GPX7: variants seen among roughly 807,000 people sequenced by gnomAD.
GPX7 encodes the protein glutathione peroxidase 7.
GPX7 carries 21 observed loss-of-function variants against 23.7 expected under a neutral mutation model. The ratio of observed to expected loss-of-function variants is 0.89; its 90% CI spans 0.63 to 1.28. The LOEUF (loss-of-function observed/expected upper bound fraction) is 1.28, where lower values mean the gene tolerates loss of function less well. Among genes scored for constraint, GPX7 ranks in the 50% most tolerant of loss-of-function variants. GPX7 has a pLI of 0.00. For missense variants in GPX7, 238 were observed against 237.3 expected (o/e 1.00, Z -0.02); for synonymous variants, 112 against 101.8 (o/e 1.10, Z -0.61).
At position 52,602,498 on chromosome 1, in the gene GPX7, C is replaced by A; in HGVS notation, c.89C>A (p.Ala30Glu). 1 of 1,563,938 alleles carries A rather than the reference C, an allele frequency of 6.4e-7. No homozygotes were observed. The highest frequency in any genetic ancestry group is 2.6e-5 in the East Asian group (1 of 38,112). ...GAGCAGGACTTCTACGACTTCAAGG[C>A]GGTCAACATCCGGGGCAAACTGGTG... ...QQEQDFYDFKAVNIRGKLVSL... is the reference protein window; with the variant it reads ...QQEQDFYDFKEVNIRGKLVSL... Residue 30 changes from alanine to glutamate, a missense_variant, in exon 1 of 3, where the codon GCG becomes GAG. Coordinates refer to ENST00000361314, the MANE Select transcript of GPX7 (RefSeq NM_015696.5).
chr1:52,603,896 T>A (rs924581978), intron 1 of GPX7, among the ~76,000 whole-genome samples: 1 of 152,118 alleles, frequency 6.6e-6, no homozygotes, highest in African/African-American at 2.4e-5. Context: ...CAGGGCCCGC[T>A]CCAATTCAGG....
chr1:52,606,655 CTTTGT>C, intron 1 of GPX7, 24 bp from the exon 2 acceptor site: 1 of 1,599,746 alleles, frequency 6.3e-7, no homozygotes, highest in Non-Finnish European at 8.5e-7. Context: ...CTTGTCTGGG[CTTTGT>C]TTTGTTTTGT....
rs1463588089 is a variant in GPX7 at position 52,602,558 on chromosome 1, G to C, written c.138+11G>C. On this transcript the variant is annotated intron_variant, in intron 1 of 2. Transcript: ENST00000361314. ...AAGTACCGCGGATCGGTGAGTGCGCGGGGTCTGGCGGCGCCGCTGGGCCCG... is the reference window on the plus strand; with the variant it reads ...AAGTACCGCGGATCGGTGAGTGCGCCGGGTCTGGCGGCGCCGCTGGGCCCG... The C allele has an allele frequency of 3.9e-6, 6 of 1,537,004 alleles. No homozygotes were observed. The highest frequency in any genetic ancestry group is 5.2e-6 in the Non-Finnish European group (6 of 1,144,770).
chr1:52,602,613 G>A (rs1690811917), intron 1 of GPX7, 66 bp downstream of exon 1: 19 of 1,025,180 alleles, frequency 1.9e-5, no homozygotes, highest in Non-Finnish European at 2.5e-5. Flanking sequence ...TGCTGGGGAC[G>A]CCCCGCAGCC....
intron 2 of GPX7, among the ~76,000 whole-genome samples, chr1:52,607,961 G>C (rs1178482673): frequency 6.6e-6 from 1 of 152,184 alleles, no homozygotes; most frequent in African/African-American, 2.4e-5. Context: ...AGAGAATAGG[G>C]TGTAGACTAT....
intron 1 of GPX7, among the ~76,000 whole-genome samples, chr1:52,604,149 G>A (rs1454926816): frequency 6.6e-6 from 1 of 152,180 alleles, no homozygotes; most frequent in African/African-American, 2.4e-5. Context: ...GTAATTCCTA[G>A]TAGTAGTAAG....
intron 1 of GPX7, among the ~76,000 whole-genome samples, chr1:52,604,374 C>G (rs1458174950): frequency 2.0e-5 from 3 of 152,234 alleles, no homozygotes; most frequent in Non-Finnish European, 4.4e-5. Flanking sequence ...CAAACATTTA[C>G]TGGCTCCTAC....
At position 52,608,899 on chromosome 1, in the gene GPX7, C is replaced by G. The variant is rs1690884074; in HGVS notation, c.*474C>G. The G allele has an allele frequency of 6.5e-6, 1 of 152,812 alleles. No homozygotes were observed. Among genetic ancestry groups the G allele is most frequent in the African/African-American group, 2.4e-5 (1 of 41,470 alleles). 9.5% of individuals were successfully genotyped at this position (152,812 alleles called of 1,614,324 possible). A position where few individuals can be genotyped will look rare whatever the true frequency, so the allele number is the denominator to read the frequency against. ...GTTATCAATAAAAACTTGCATCCAACATGAATTTCCAGCCGATGATAATCC... is the reference window on the plus strand; with the variant it reads ...GTTATCAATAAAAACTTGCATCCAAGATGAATTTCCAGCCGATGATAATCC... On this transcript the variant is annotated 3_prime_UTR_variant, in exon 3 of 3. Transcript: ENST00000361314.
In GPX7 at chr1:52,602,510, G is replaced by A. The variant is rs763735633; in HGVS notation, c.101G>A (p.Arg34Gln). ...TACGACTTCAAGGCGGTCAACATCC[G>A]GGGCAAACTGGTGTCGCTGGAGAAG... ...DFYDFKAVNI[R>Q]GKLVSLEKYR... is the part of the protein sequence containing the mutation. Residue 34 changes from arginine (R) to glutamine (Q), a missense_variant, in exon 1 of 3, where the codon CGG becomes CAG. Coordinates refer to ENST00000361314, the MANE Select transcript of GPX7 (RefSeq NM_015696.5). 3 of 1,564,074 alleles carry A rather than the reference G, an allele frequency of 1.9e-6. No individual in the cohort carries two copies. Among genetic ancestry groups the A allele is most frequent in the South Asian group, 2.3e-5 (2 of 85,298 alleles).
intron 1 of GPX7, among the ~76,000 whole-genome samples, chr1:52,604,872 G>A (rs879302830): frequency 5.9e-5 from 9 of 152,062 alleles, no homozygotes; most frequent in East Asian, 1.9e-4. Flanking sequence ...GTGAAACTCC[G>A]TCTGTACTTA....
In GPX7 at chr1:52,608,645, C is replaced by G. The variant is rs1362040553; in HGVS notation, c.*220C>G. 6 of 342,476 alleles carry G rather than the reference C, an allele frequency of 1.8e-5. No individual in the cohort carries two copies. Among genetic ancestry groups the G allele is most frequent in the Non-Finnish European group, 2.6e-5 (5 of 188,948 alleles). The allele number at this position is 342,476 out of a possible 1,614,324, so 21.2% of individuals were successfully genotyped here. On this transcript the variant is annotated 3_prime_UTR_variant, in exon 3 of 3. Coordinates refer to ENST00000361314, the MANE Select transcript of GPX7 (RefSeq NM_015696.5). ...CTCCTGGCCAATGAGAGCTCTTGAC[C>G]AGTGAATCACCAGCCGATACGAACG...
chr1:52,608,222 C>T lies in GPX7; in HGVS notation c.401-40C>T, dbSNP rs369885839. On this transcript the variant is annotated intron_variant, in intron 2 of 2. Coordinates refer to ENST00000361314, the MANE Select transcript of GPX7 (RefSeq NM_015696.5). ...GAGAGTGAAGTCCCAGGAGAGGGTA[C>T]GCAGGGTAGCACGCTTTGCTCTCCT... The T allele has an allele frequency of 3.6e-5, 56 of 1,562,146 alleles. 1 individual carries two copies. In the African/African-American group the frequency reaches 5.2e-4, roughly 15 times the overall value.
intron 2 of GPX7, 121 bp from the exon 3 acceptor site, chr1:52,608,141 G>T (rs757921854): frequency 2.8e-5 from 24 of 850,778 alleles, no homozygotes; most frequent in Non-Finnish European, 4.3e-5. Flanking sequence ...GGTTGGAGTG[G>T]TCTGGGGTGT....
intron 1 of GPX7, among the ~76,000 whole-genome samples, chr1:52,604,766 C>T (rs932327703): frequency 1.3e-5 from 2 of 152,118 alleles, no homozygotes; most frequent in African/African-American, 2.4e-5. Context: ...AAGCTTTGGC[C>T]GGACGCAGTG....
rs761068118 is a variant in GPX7, at chr1:52,606,859, G to A, written c.314G>A (p.Arg105His). The A allele has an allele frequency of 5.0e-6, 8 of 1,614,052 alleles. No homozygotes were observed. The highest frequency in any genetic ancestry group is 3.3e-5 in the Admixed American group (2 of 60,000). Reference protein sequence around the residue: ...DSNKEIESFARRTYSVSFPMF... With the variant: ...DSNKEIESFAHRTYSVSFPMF... ...AACAAGGAGATTGAGAGCTTTGCCC[G>A]CCGCACCTACAGTGTCTCATTCCCC... The change falls in exon 2 of 3, where the codon CGC becomes CAC. Residue 105 changes from arginine to histidine, a missense_variant. Physicochemically the swap from Arg to His is conservative, Grantham distance 29. Transcript: ENST00000361314.
chr1:52,605,451 G>A (rs1244684849), intron 1 of GPX7, among the ~76,000 whole-genome samples: 1 of 152,098 alleles, frequency 6.6e-6, no homozygotes, highest in South Asian at 2.1e-4. Flanking sequence ...ACATCCCCCC[G>A]ACAACAAAGA....
chr1:52,605,893 T>G (rs1690847787), intron 1 of GPX7, among the ~76,000 whole-genome samples: 1 of 152,196 alleles, frequency 6.6e-6, no homozygotes, highest in South Asian at 2.1e-4. Context: ...GGAGGATCAC[T>G]TCAGCTCAGA....
chr1:52,606,600 A>T, intron 1 of GPX7, 84 bp from the exon 2 acceptor site: 1 of 1,465,002 alleles, frequency 6.8e-7, no homozygotes, highest in East Asian at 2.3e-5. Flanking sequence ...GGAGTCACAT[A>T]TGTGGATGTG....
chr1:52,604,888 T>C (rs1690838625), intron 1 of GPX7, among the ~76,000 whole-genome samples: 1 of 151,638 alleles, frequency 6.6e-6, no homozygotes, highest in African/African-American at 2.4e-5. Flanking sequence ...ACTTAAAAAA[T>C]ACAAAAATTA....
Sources: allele counts gnomAD v4.1 joint callset (sites outside exome capture counted in the v4.1 genomes callset), GRCh38; gene constraint gnomAD v4.1.1; transcripts MANE v1.5; gene names NCBI Gene and HGNC (gene_info 2026-07-23, HGNC 2026-07-21).